The following SLC36A3 variants were observed in gnomAD, a reference collection of about 807,000 sequenced individuals.
SLC36A3 encodes the protein solute carrier family 36 member 3.
SLC36A3 carries 35 observed loss-of-function variants against 44.3 expected under a neutral mutation model. That is an observed-to-expected ratio of 0.79 (90% confidence interval 0.60 to 1.05). The LOEUF is 1.05. Among genes scored for constraint, SLC36A3 ranks in the 50% least tolerant of loss-of-function variants. SLC36A3 has a pLI of 0.00. For synonymous variants in SLC36A3, 211 were observed against 227.6 expected (o/e 0.93, Z 0.66); for missense variants, 540 against 578.7 (o/e 0.93, Z 0.69).
intron 6 of SLC36A3, among the ~76,000 whole-genome samples, chr5:151,285,461 T>C (rs1754501291): frequency 6.6e-6 from 1 of 152,204 alleles, no homozygotes; most frequent in Non-Finnish European, 1.5e-5. Context: ...CCCTCTAACA[T>C]GTCTCTCCCA....
intron 5 of SLC36A3, among the ~76,000 whole-genome samples, chr5:151,287,945 A>G (rs1754605354): frequency 6.6e-6 from 1 of 152,196 alleles, no homozygotes; most frequent in African/African-American, 2.4e-5. Context: ...TTGGGTGCGC[A>G]AAAACAAGGA....
intron 8 of SLC36A3, among the ~76,000 whole-genome samples, chr5:151,282,294 G>A (rs767535875): frequency 2.6e-5 from 4 of 151,524 alleles, no homozygotes; most frequent in East Asian, 1.9e-4. Context: ...TCAGCCTCCC[G>A]AGTAGCTGGG....
chr5:151,279,272 G>C lies in SLC36A3; in HGVS notation c.1145-1611C>G, dbSNP rs532659578. 5.9e-5 allele frequency among the ~76,000 whole-genome samples: 9 copies of C among 151,480 alleles called. No homozygotes were observed. The South Asian group carries it at 1.7e-3, about 28-fold the overall frequency. On this transcript the variant is annotated intron_variant, in intron 9 of 9. Transcript: ENST00000335230. ...TACTTACGATCTTAACCATCATATGGTGCATTATCATGTCCCATCTTAACA... is the reference window on the plus strand; with the variant it reads ...TACTTACGATCTTAACCATCATATGCTGCATTATCATGTCCCATCTTAACA...
intron 6 of SLC36A3, among the ~76,000 whole-genome samples, chr5:151,286,230 C>T (rs1194174768): frequency 5.3e-5 from 8 of 152,260 alleles, no homozygotes; most frequent in South Asian, 2.1e-4. Flanking sequence ...CAGGACCTCC[C>T]GTGGATACCA....
Position 151,303,245 on chromosome 5 carries a change from G to A in SLC36A3, c.110C>T (p.Ala37Val). ...SSITSENVHPAGEAGLSMMQT... is the reference protein window; with the variant it reads ...SSITSENVHPVGEAGLSMMQT... ...CACTTACGATAGTCCAGCTTCTCCA[G>A]CAGGATGGACATTCTCTGAAGTAAT... The change falls in exon 1 of 10, where the codon GCT (alanine) becomes GTT (valine). Residue 37 changes from alanine to valine, a missense_variant. Physicochemically the swap from Ala to Val is moderately conservative, Grantham distance 64. Coordinates refer to ENST00000335230, the MANE Select transcript of SLC36A3 (RefSeq NM_181774.4). 1 of 1,613,664 alleles carries A rather than the reference G, an allele frequency of 6.2e-7. No individual in the cohort carries two copies. The highest frequency in any genetic ancestry group is 8.5e-7 in the Non-Finnish European group (1 of 1,179,710).
chr5:151,287,592 G>A (rs551402814), intron 5 of SLC36A3, 128 bp from the exon 6 acceptor site: 14 of 828,758 alleles, frequency 1.7e-5, no homozygotes, highest in East Asian at 2.7e-5. Context: ...CATAAGACAC[G>A]CTCATAGTAA....
At chr5:151,277,701 C>T (rs775029117) in intron 9 of SLC36A3, 40 bp from the exon 10 acceptor site, 1 of 1,591,928 alleles carries the variant, frequency 6.3e-7, no homozygotes, top group African/African-American at 1.3e-5. Context: ...TGAATGTGCT[C>T]AGAAACAAGC....
At chr5:151,286,440 A>G (rs1486262706) in intron 6 of SLC36A3, among the ~76,000 whole-genome samples, 1 of 152,070 alleles carries the variant, frequency 6.6e-6, no homozygotes, top group Non-Finnish European at 1.5e-5. Flanking sequence ...CTACAGGTGC[A>G]AGCCATCATG....
intron 8 of SLC36A3, among the ~76,000 whole-genome samples, chr5:151,282,719 C>T (rs180782618): frequency 6.6e-6 from 1 of 152,248 alleles, no homozygotes; most frequent in East Asian, 1.9e-4. Flanking sequence ...TAAAAGTCTA[C>T]ATGATTTAAA....
chr5:151,300,774 A>C (rs1316312621), intron 1 of SLC36A3, among the ~76,000 whole-genome samples: 2 of 152,244 alleles, frequency 1.3e-5, no homozygotes. Context: ...TTGCTATTAT[A>C]AAAGGAAATT....
chr5:151,288,743 A>G (rs1017909100), intron 4 of SLC36A3, among the ~76,000 whole-genome samples: 4 of 151,490 alleles, frequency 2.6e-5, no homozygotes, highest in African/African-American at 4.8e-5. Flanking sequence ...ACGAATGAAT[A>G]TTCGTCTATA....
chr5:151,280,946 G>A (rs1754284934), intron 9 of SLC36A3, 68 bp downstream of exon 9: 4 of 1,588,966 alleles, frequency 2.5e-6, no homozygotes, highest in Non-Finnish European at 3.4e-6. Flanking sequence ...TCCAATGATG[G>A]TGGGGTGGGC....
In SLC36A3 at chr5:151,277,501, A is replaced by T; in HGVS notation, c.1305T>A (p.Ile435=). 3 of 1,614,182 alleles carry T rather than the reference A, an allele frequency of 1.9e-6. No individual in the cohort carries two copies. Among genetic ancestry groups the T allele is most frequent in the Non-Finnish European group, 2.5e-6 (3 of 1,180,026 alleles). ...TACACCCTAAAAGGCCCACGATGCT[A>T]ATCATGATGTCCTTGGCAATGGTGA... ...SCVTIAKDIM[I]SIVGLLGCIF... Residue 435 remains isoleucine, a synonymous_variant, in exon 10 of 10, where the codon ATT becomes ATA. Transcript: ENST00000335230.
At chr5:151,278,757 T>C (rs1754198008) in intron 9 of SLC36A3, among the ~76,000 whole-genome samples, 1 of 152,212 alleles carries the variant, frequency 6.6e-6, no homozygotes, top group Non-Finnish European at 1.5e-5. Flanking sequence ...TGCATTCTCC[T>C]TCGATGGGAG....
intron 1 of SLC36A3, among the ~76,000 whole-genome samples, chr5:151,300,657 T>C (rs1460738469): frequency 6.6e-6 from 1 of 152,222 alleles, no homozygotes; most frequent in Non-Finnish European, 1.5e-5. Context: ...CCACTGTGCC[T>C]TAGCTGACAG....
chr5:151,289,142 C>T (rs1388939890), intron 4 of SLC36A3: 1 of 152,870 alleles, frequency 6.5e-6, no homozygotes, highest in Non-Finnish European at 1.5e-5. Context: ...GCCAGAAAAT[C>T]AACTTCAATA....
At position 151,280,927 on chromosome 5, in the gene SLC36A3, A is replaced by G. The variant is rs1754284386; in HGVS notation, c.1144+87T>C. 4 of 1,527,384 alleles carry G rather than the reference A, an allele frequency of 2.6e-6. No individual in the cohort carries two copies. In the Admixed American group the frequency reaches 7.1e-5, roughly 27 times the overall value. The allele number at this position is 1,527,384 out of a possible 1,614,324, so 94.6% of individuals were successfully genotyped here. ...CCCACCCTAGGTCACAAAGAAGGCAAGTGGCAGATCCAATGATGGTGGGGT... is the reference window on the plus strand; with the variant it reads ...CCCACCCTAGGTCACAAAGAAGGCAGGTGGCAGATCCAATGATGGTGGGGT... On this transcript the variant is annotated intron_variant, in intron 9 of 9. Transcript: ENST00000335230.
Position 151,276,548 on chromosome 5 carries a change from A to G in SLC36A3, c.*845T>C, listed in dbSNP as rs374682317. On this transcript the variant is annotated 3_prime_UTR_variant, in exon 10 of 10. Transcript: ENST00000335230. ...TCCAACTTCTTTGCTTTTATAAGTA[A>G]AGTTACCATGAATATTTTTGTACAA... Among the ~76,000 whole-genome samples, 3 of 152,176 alleles carry G rather than the reference A, an allele frequency of 2.0e-5. No individual in the cohort carries two copies. The highest frequency in any genetic ancestry group is 7.2e-5 in the African/African-American group (3 of 41,446).
At chr5:151,293,528 T>A in intron 3 of SLC36A3, 69 bp from the exon 4 acceptor site, 1 of 1,293,152 alleles carries the variant, frequency 7.7e-7, no homozygotes, top group Non-Finnish European at 1.1e-6. Context: ...TCTCCCAAAG[T>A]GAGTGATTTT....
Sources: gnomAD v4.1 joint callset for allele counts (sites outside exome capture counted in the v4.1 genomes callset) on GRCh38, gnomAD v4.1.1 for gene constraint, MANE v1.5 for transcripts, NCBI Gene and HGNC (gene_info 2026-07-23, HGNC 2026-07-21) for gene names.